Variants in ADARB2 observed in about 807,000 individuals in gnomAD.
The protein encoded by ADARB2 is adenosine deaminase RNA specific B2 (inactive).
Under a neutral mutation model 62.2 loss-of-function variants are expected in ADARB2, and 25 were observed. The observed-to-expected ratio is 0.40, with a 90% confidence interval of 0.29 to 0.56. ADARB2 has a LOEUF of 0.56. Ranked by LOEUF, ADARB2 falls within the 20% of genes least tolerant of loss-of-function variation. ADARB2 has a pLI of 0.43. For missense variants in ADARB2, 1,071 were observed against 1,077.4 expected (o/e 0.99, Z 0.08); for synonymous variants, 572 against 500.8 (o/e 1.14, Z -1.90).
At chr10:1,652,919 G>T (rs998163174) in intron 1 of ADARB2, among the ~76,000 whole-genome samples, 1 of 152,122 alleles carries the variant, frequency 6.6e-6, no homozygotes, top group Admixed American at 6.5e-5. Flanking sequence ...GGGCATGCAC[G>T]CTTTCTCTGC....
intron 6 of ADARB2, among the ~76,000 whole-genome samples, chr10:1,225,194 C>G (rs1830733278): frequency 6.6e-6 from 1 of 152,126 alleles, no homozygotes; most frequent in Admixed American, 6.5e-5. Context: ...CTCTTTTGAT[C>G]TTCGTTGGTT....
At chr10:1,697,297 G>C (rs983530986) in intron 1 of ADARB2, among the ~76,000 whole-genome samples, 10 of 152,174 alleles carry the variant, frequency 6.6e-5, no homozygotes, top group African/African-American at 2.4e-4. Flanking sequence ...AAACTGATGA[G>C]ATTTCCTTGA....
At chr10:1,313,860 C>G (rs992485806) in intron 3 of ADARB2, among the ~76,000 whole-genome samples, 1 of 152,210 alleles carries the variant, frequency 6.6e-6, no homozygotes, top group Non-Finnish European at 1.5e-5. Context: ...GGCTGTGGGT[C>G]CTGCCTCCCA....
rs549069987 is a variant in ADARB2, at chr10:1,725,526, C to T, written c.100+11525G>A. 6.6e-5 allele frequency among the ~76,000 whole-genome samples: 10 copies of T among 152,238 alleles called. 1 individual carries two copies. Among genetic ancestry groups the T allele is most frequent in the South Asian group, 6.2e-4 (3 of 4,822 alleles). On this transcript the variant is annotated intron_variant, in intron 1 of 9. Coordinates refer to ENST00000381312, the MANE Select transcript of ADARB2 (RefSeq NM_018702.4). ...GCGGTGGGGGAAGACCCCCTCCCCG[C>T]GCCGGGAAGAGACGTCCAGGACCCT...
intron 1 of ADARB2, among the ~76,000 whole-genome samples, chr10:1,473,038 A>G (rs954707930): frequency 1.6e-4 from 25 of 152,172 alleles, no homozygotes; most frequent in African/African-American, 5.8e-4. Flanking sequence ...GCACATGTGG[A>G]CAGCCCACTC....
At chr10:1,196,206 C>CTTTTTTTTT (rs10665720) in intron 8 of ADARB2, among the ~76,000 whole-genome samples, 1 of 120,928 alleles carries the variant, frequency 8.3e-6, no homozygotes. Flanking sequence ...CTTCTTTTGC[C>CTTTTTTTTT]TTTTTTTTTT....
At chr10:1,288,058 G>T (rs1382965208) in intron 3 of ADARB2, among the ~76,000 whole-genome samples, 1 of 152,252 alleles carries the variant, frequency 6.6e-6, no homozygotes, top group Non-Finnish European at 1.5e-5. Context: ...GTCAGCTCGT[G>T]CACTGCTGTC....
intron 1 of ADARB2, among the ~76,000 whole-genome samples, chr10:1,504,410 G>T (rs570671275): frequency 6.6e-6 from 1 of 152,174 alleles, no homozygotes; most frequent in Non-Finnish European, 1.5e-5. Flanking sequence ...TGCATCTGGC[G>T]CTGGACATTC....
At chr10:1,273,301 C>T (rs974001909) in intron 3 of ADARB2, among the ~76,000 whole-genome samples, 2 of 152,156 alleles carry the variant, frequency 1.3e-5, no homozygotes, top group Non-Finnish European at 1.5e-5. Flanking sequence ...CTCTCTGCTG[C>T]CCACGCTGGA....
In ADARB2 at chr10:1,363,788, T is replaced by C; in HGVS notation, c.317A>G (p.Asn106Ser). 1 of 1,599,570 alleles carries C rather than the reference T, an allele frequency of 6.3e-7. No homozygotes were observed. The highest frequency in any genetic ancestry group is 1.1e-5 in the South Asian group (1 of 90,894). ...AKRKRPLEEG[N>S]GGHLCKLQLV... ...CTGCAGTTTGCACAAGTGGCCCCCA[T>C]TCCCCTCCTCCAGCGGCCGCTTCCT... Residue 106 changes from asparagine to serine, a missense_variant, in exon 3 of 10, where the codon AAT becomes AGT. By Grantham distance (46) the Asn-to-Ser change is conservative. Transcript: ENST00000381312.
At chr10:1,700,006 C>T (rs1209753824) in intron 1 of ADARB2, among the ~76,000 whole-genome samples, 1 of 22,908 alleles carries the variant, frequency 4.4e-5, no homozygotes, top group African/African-American at 1.3e-4. Flanking sequence ...AGTCAATACA[C>T]GCAATCCCAC....
intron 1 of ADARB2, among the ~76,000 whole-genome samples, chr10:1,628,732 A>G (rs1833803370): frequency 6.6e-6 from 1 of 152,232 alleles, no homozygotes; most frequent in Non-Finnish European, 1.5e-5. Context: ...TTTTCAGCGA[A>G]CTGGGAGAAA....
chr10:1,556,918 T>C, intron 1 of ADARB2: 1 of 461,560 alleles, frequency 2.2e-6, no homozygotes, highest in Non-Finnish European at 4.5e-6. Context: ...CCTATCACTA[T>C]TTTTGGTGAC....
chr10:1,395,728 G>C (rs1034947677), intron 1 of ADARB2, among the ~76,000 whole-genome samples: 1 of 152,150 alleles, frequency 6.6e-6, no homozygotes, highest in Admixed American at 6.5e-5. Flanking sequence ...GGCAGCTGCG[G>C]GAATCCAATG....
At chr10:1,230,258 G>A (rs1054509475) in intron 6 of ADARB2, among the ~76,000 whole-genome samples, 3 of 152,192 alleles carry the variant, frequency 2.0e-5, no homozygotes, top group African/African-American at 7.2e-5. Context: ...GTGGTCCTCT[G>A]AATTGGAGGG....
intron 1 of ADARB2, among the ~76,000 whole-genome samples, chr10:1,518,038 G>T (rs780997293): frequency 9.9e-5 from 15 of 152,230 alleles, no homozygotes; most frequent in Admixed American, 2.0e-4. Flanking sequence ...TTAGTGGGGA[G>T]GTAAAAAGAA....
At chr10:1,335,549 G>GGA (rs887900482) in intron 3 of ADARB2, among the ~76,000 whole-genome samples, 2 of 152,006 alleles carry the variant, frequency 1.3e-5, no homozygotes, top group African/African-American at 4.8e-5. Flanking sequence ...AGGAAATGAT[G>GGA]GAGAGAGGGG....
intron 6 of ADARB2, among the ~76,000 whole-genome samples, chr10:1,219,408 AG>A (rs1341398176): frequency 1.3e-5 from 2 of 152,240 alleles, no homozygotes; most frequent in African/African-American, 2.4e-5. Context: ...ATACATTCAT[AG>A]TACTTAAGGC....
chr10:1,367,389 T>C lies in ADARB2; in HGVS notation c.188-3472A>G, dbSNP rs142042765. 1.1e-4 allele frequency among the ~76,000 whole-genome samples: 17 copies of C among 152,282 alleles called. No individual in the cohort carries two copies. In the East Asian group the frequency reaches 2.7e-3, roughly 24 times the overall value. ...CAATTATGTCTAAAAAAGTATTAGG[T>C]TTGGGGAGGTAATTTTGTTCAAAAT... On this transcript the variant is annotated intron_variant, in intron 2 of 9. Transcript: ENST00000381312.
Sources: gnomAD v4.1 joint callset for allele counts (sites outside exome capture counted in the v4.1 genomes callset) on GRCh38, gnomAD v4.1.1 for gene constraint, MANE v1.5 for transcripts, NCBI Gene and HGNC (gene_info 2026-07-23, HGNC 2026-07-21) for gene names.